Variants in FAM20B observed in about 807,000 individuals in gnomAD.
FAM20B encodes the protein glycosaminoglycan xylosylkinase.
In FAM20B, 23 loss-of-function variants were observed where a neutral mutation model predicts 43.8. The ratio of observed to expected loss-of-function variants is 0.53; its 90% CI spans 0.38 to 0.74. FAM20B has a LOEUF of 0.74. Among genes scored for constraint, FAM20B ranks in the 30% least tolerant of loss-of-function variants. FAM20B has a pLI of 0.00. For missense variants in FAM20B, 440 were observed against 510.5 expected (o/e 0.86, Z 1.33); for synonymous variants, 178 against 192.4 (o/e 0.93, Z 0.62).
chr1:179,043,936 C>T lies in FAM20B; in HGVS notation c.89C>T (p.Thr30Ile). Residue 30 changes from threonine to isoleucine, a missense_variant, in exon 2 of 8, where the codon ACA becomes ATA. Thr to Ile is a moderately conservative substitution (Grantham distance 89). Coordinates refer to ENST00000263733, the MANE Select transcript of FAM20B (RefSeq NM_014864.4). ...GTTTTCCTGATTGACAACTTAGATA[C>T]ATCAGCTGCCAACCGGGAGGACCAG... ...TKVFLIDNLDTSAANREDQRA... is the reference protein window; with the variant it reads ...TKVFLIDNLDISAANREDQRA... 2 of 1,614,030 alleles carry T rather than the reference C, an allele frequency of 1.2e-6. No individual in the cohort carries two copies. Among genetic ancestry groups the T allele is most frequent in the South Asian group, 2.2e-5 (2 of 91,080 alleles).
intron 1 of FAM20B, among the ~76,000 whole-genome samples, chr1:179,028,837 A>G (rs1182950715): frequency 6.6e-6 from 1 of 152,232 alleles, no homozygotes; most frequent in Non-Finnish European, 1.5e-5. Flanking sequence ...GGAAAACAGT[A>G]TGAGGGAAGG....
At chr1:179,039,274 A>C (rs568569890) in intron 1 of FAM20B, among the ~76,000 whole-genome samples, 1 of 152,190 alleles carries the variant, frequency 6.6e-6, no homozygotes, top group Non-Finnish European at 1.5e-5. Flanking sequence ...ACCTCTCAGG[A>C]TGCAAGTGAG....
chr1:179,030,137 G>A (rs1649948968), intron 1 of FAM20B, among the ~76,000 whole-genome samples: 1 of 152,062 alleles, frequency 6.6e-6, no homozygotes, highest in South Asian at 2.1e-4. Context: ...CAGCTAAATT[G>A]GCTTAGTTAT....
chr1:179,065,828 T>C (rs1295655036), intron 6 of FAM20B, among the ~76,000 whole-genome samples: 1 of 152,200 alleles, frequency 6.6e-6, no homozygotes, highest in Non-Finnish European at 1.5e-5. Context: ...CAGAAATGTA[T>C]TGCTTACAGT....
intron 1 of FAM20B, among the ~76,000 whole-genome samples, chr1:179,038,411 CAAAAAA>C (rs34979873): frequency 6.8e-5 from 9 of 132,896 alleles, no homozygotes; most frequent in South Asian, 2.5e-4. Context: ...AACTGCATCT[CAAAAAA>C]AAAAAAAAAG....
At chr1:179,025,749 T>G (rs1418433558), upstream of FAM20B, 2 of 140,218 alleles carry the variant, frequency 1.4e-5, no homozygotes, top group Non-Finnish European at 3.1e-5. Context: ...TGGAAGAGGT[T>G]AAGGGGGGCA....
At position 179,035,362 on chromosome 1, in the gene FAM20B, A is replaced by AG. The variant is rs1286508497; in HGVS notation, c.-133-8349dup. On this transcript the variant is annotated intron_variant, in intron 1 of 7. Coordinates refer to ENST00000263733, the MANE Select transcript of FAM20B (RefSeq NM_014864.4). The stretch of plus-strand genomic sequence containing the variant: ...AGCACCCACAGGTCTAAATCGGGGT[A>AG]GGGGTGTTCGGTCCTCGTGGGCTTC... 76 of 698,164 alleles carry AG rather than the reference A, an allele frequency of 1.1e-4. No individual in the cohort carries two copies. The Middle Eastern group carries it at 1.6e-3, about 15-fold the overall frequency. The allele number at this position is 698,164 out of a possible 1,614,324, so 43.2% of individuals were successfully genotyped here. A position where few individuals can be genotyped will look rare whatever the true frequency, so the allele number is the denominator to read the frequency against.
At chr1:179,033,551 C>T (rs557441139) in intron 1 of FAM20B, among the ~76,000 whole-genome samples, 1 of 152,260 alleles carries the variant, frequency 6.6e-6, no homozygotes, top group South Asian at 2.1e-4. Context: ...TAATTTATTT[C>T]CCTATGTCTT....
At chr1:179,026,585 C>T (rs1326141535) in intron 1 of FAM20B, among the ~76,000 whole-genome samples, 1 of 152,186 alleles carries the variant, frequency 6.6e-6, no homozygotes, top group African/African-American at 2.4e-5. Flanking sequence ...CGCCTCGTGG[C>T]CGGGAAGCGC....
intron 1 of FAM20B, among the ~76,000 whole-genome samples, chr1:179,036,384 C>T (rs1370299025): frequency 2.0e-5 from 3 of 152,128 alleles, no homozygotes; most frequent in Admixed American, 6.5e-5. Flanking sequence ...GAGGTAGTTT[C>T]TGTTCTGCAT....
upstream of FAM20B, among the ~76,000 whole-genome samples, chr1:179,024,148 TGTCTGTCCTGCA>T (rs1649661880): frequency 6.6e-6 from 1 of 152,164 alleles, no homozygotes; most frequent in South Asian, 2.1e-4. Context: ...GGAGGAAGTG[TGTCTGTCCTGCA>T]GTATGTGGGA....
At chr1:179,022,479 C>G (rs1259941378), upstream of FAM20B, among the ~76,000 whole-genome samples, 1 of 152,150 alleles carries the variant, frequency 6.6e-6, no homozygotes, top group Non-Finnish European at 1.5e-5. Flanking sequence ...CGCGTGTATG[C>G]ATATATATTT....
chr1:179,042,397 C>T (rs151153234), intron 1 of FAM20B, among the ~76,000 whole-genome samples: 151 of 152,296 alleles, frequency 9.9e-4, no homozygotes, highest in Admixed American at 3.1e-3. Context: ...GCTTCTGCTG[C>T]GGGTGCCCAT....
chr1:179,026,842 T>TA (rs1649811147), intron 1 of FAM20B, among the ~76,000 whole-genome samples: 1 of 152,244 alleles, frequency 6.6e-6, no homozygotes, highest in South Asian at 2.1e-4. Context: ...TGGGTTCTGA[T>TA]AAGAGATTCA....
chr1:179,068,116 G>A (rs905277143), intron 7 of FAM20B, among the ~76,000 whole-genome samples: 30 of 152,144 alleles, frequency 2.0e-4, no homozygotes, highest in African/African-American at 7.2e-4. Flanking sequence ...GATCCACCTT[G>A]CTTGGCTACA....
chr1:179,047,539 A>T (rs888183271), intron 2 of FAM20B, among the ~76,000 whole-genome samples: 2 of 145,026 alleles, frequency 1.4e-5, no homozygotes, highest in Non-Finnish European at 3.1e-5. Flanking sequence ...GCCTGTGTCC[A>T]CTCCCAGCAA....
intron 2 of FAM20B, among the ~76,000 whole-genome samples, chr1:179,048,577 A>G (rs992982419): frequency 2.6e-5 from 4 of 152,260 alleles, no homozygotes; most frequent in African/African-American, 9.6e-5. Flanking sequence ...GTATTCAAGG[A>G]TAGCCTACAT....
At chr1:179,064,553 C>T (rs1325607800) in intron 6 of FAM20B, 57 bp downstream of exon 6, 2 of 1,373,022 alleles carry the variant, frequency 1.5e-6, no homozygotes, top group Non-Finnish European at 2.0e-6. Context: ...GAAAGAAGGG[C>T]ATTTTCCAGA....
At chr1:179,052,879 G>T (rs1294311668) in intron 3 of FAM20B, among the ~76,000 whole-genome samples, 1 of 152,150 alleles carries the variant, frequency 6.6e-6, no homozygotes, top group African/African-American at 2.4e-5. Context: ...AAACCAACAG[G>T]CATAAAGTTC....
Sources: allele counts gnomAD v4.1 joint callset (sites outside exome capture counted in the v4.1 genomes callset), GRCh38; gene constraint gnomAD v4.1.1; transcripts MANE v1.5; gene names NCBI Gene and HGNC (gene_info 2026-07-23, HGNC 2026-07-21).